Variants in ST8SIA6 observed in about 807,000 individuals in gnomAD.
ST8SIA6 encodes the protein alpha-2,8-sialyltransferase 8F.
ST8SIA6 carries 39 observed loss-of-function variants against 33.6 expected under a neutral mutation model. The observed-to-expected ratio is 1.16, with a 90% CI of 0.90 to 1.52. ST8SIA6 has a LOEUF of 1.52. Among genes scored for constraint, ST8SIA6 ranks in the 40% most tolerant of loss-of-function variants. ST8SIA6 has a pLI of 0.00. For missense variants in ST8SIA6, 441 were observed against 443.8 expected (o/e 0.99, Z 0.06); for synonymous variants, 172 against 167.2 (o/e 1.03, Z -0.22).
chr10:17,393,633 G>A (rs1340559654), intron 2 of ST8SIA6, among the ~76,000 whole-genome samples: 3 of 152,300 alleles, frequency 2.0e-5, no homozygotes, highest in Non-Finnish European at 2.9e-5. Flanking sequence ...GGAGACTTCA[G>A]CACACCTGTG....
chr10:17,334,553 T>A (rs76763873), intron 4 of ST8SIA6, among the ~76,000 whole-genome samples: 46,041 of 143,030 alleles, frequency 0.32, 8,284 homozygotes, highest in African/African-American at 0.5. Context: ...AAAAAAAAAA[T>A]TATTATTATT....
At chr10:17,365,705 T>C (rs1293342700) in intron 3 of ST8SIA6, among the ~76,000 whole-genome samples, 3 of 152,212 alleles carry the variant, frequency 2.0e-5, no homozygotes, top group African/African-American at 7.2e-5. Flanking sequence ...AAAGAGGGTC[T>C]TGAAAAATAT....
chr10:17,405,470 G>T (rs773563545), intron 2 of ST8SIA6, among the ~76,000 whole-genome samples: 3 of 151,142 alleles, frequency 2.0e-5, no homozygotes, highest in Non-Finnish European at 4.4e-5. Flanking sequence ...CCTCAAATGA[G>T]GTTGCTGACA....
At chr10:17,354,533 C>G (rs1022186573) in intron 4 of ST8SIA6, among the ~76,000 whole-genome samples, 3 of 152,200 alleles carry the variant, frequency 2.0e-5, no homozygotes, top group Non-Finnish European at 2.9e-5. Context: ...CAAGAAAGAA[C>G]AGAGAGCAGG....
In ST8SIA6 at chr10:17,398,048, T is replaced by G. The variant is rs149380160; in HGVS notation, c.201-7428A>C. On this transcript the variant is annotated intron_variant, in intron 2 of 7. Transcript: ENST00000377602. ...AGTAAGAAAAATTAAGACTCTGGGC[T>G]GGGCACAGTGGCTCATGCCTGTAAT... Among the ~76,000 whole-genome samples the G allele has an allele frequency of 4.1e-4, 62 of 152,148 alleles. 1 individual carries two copies. The East Asian group carries it at 0.011, about 28-fold the overall frequency.
intron 2 of ST8SIA6, among the ~76,000 whole-genome samples, chr10:17,417,518 A>G (rs1588905573): frequency 6.9e-6 from 1 of 144,018 alleles, no homozygotes; most frequent in South Asian, 2.2e-4. Context: ...CACCCCCGCC[A>G]TCAGCATTTA....
chr10:17,334,592 T>A (rs1848447554), intron 4 of ST8SIA6, among the ~76,000 whole-genome samples: 1 of 150,244 alleles, frequency 6.7e-6, no homozygotes, highest in South Asian at 2.1e-4. Context: ...AGAAACTAAG[T>A]TAAGAACAGT....
intron 2 of ST8SIA6, among the ~76,000 whole-genome samples, chr10:17,447,890 A>G (rs1852777685): frequency 6.6e-6 from 1 of 151,914 alleles, no homozygotes; most frequent in Admixed American, 6.6e-5. Flanking sequence ...TCTTGGTGAG[A>G]TCATGTTCAA....
At chr10:17,331,658 A>C in intron 4 of ST8SIA6, 106 bp from the exon 5 acceptor site, 1 of 1,149,358 alleles carries the variant, frequency 8.7e-7, no homozygotes, top group Non-Finnish European at 1.2e-6. Flanking sequence ...ACTGACTTTC[A>C]AAAAGAAGAT....
chr10:17,444,894 GC>G (rs1370322322), intron 2 of ST8SIA6, among the ~76,000 whole-genome samples: 18 of 152,198 alleles, frequency 1.2e-4, no homozygotes, highest in African/African-American at 3.9e-4. Flanking sequence ...CAAGATTTAA[GC>G]CCATTTCAAA....
At chr10:17,374,673 C>A (rs1305959442) in intron 3 of ST8SIA6, among the ~76,000 whole-genome samples, 1 of 149,374 alleles carries the variant, frequency 6.7e-6, no homozygotes, top group Non-Finnish European at 1.5e-5. Context: ...GAGATCGTAC[C>A]ACTGCACTCT....
At chr10:17,336,172 G>T (rs983908476) in intron 4 of ST8SIA6, among the ~76,000 whole-genome samples, 2 of 152,070 alleles carry the variant, frequency 1.3e-5, no homozygotes, top group African/African-American at 4.8e-5. Flanking sequence ...GACCAGGCTG[G>T]TCTCGAACTT....
rs1294563171 is a variant in ST8SIA6 at position 17,454,120 on chromosome 10, C to CGGCGCGG, written c.101+28_101+34dup. On this transcript the variant is annotated intron_variant, in intron 1 of 7. Transcript: ENST00000377602. This position sits in a 1 kb window ranked among gnomAD's most constrained non-coding sequence, Gnocchi z 4.1. Reference sequence around the variant, plus strand: ...GTCCGGGGGCGCCAGGCGGGGCGCGCGGCGCGGGGCGCGGCCGGCGGGTGG... The same window carrying CGGCGCGG: ...GTCCGGGGGCGCCAGGCGGGGCGCGCGGCGCGGGGCGCGGGGCGCGGCCGGCGGGTGG... The CGGCGCGG allele has an allele frequency of 3.9e-6, 1 of 257,850 alleles. No individual in the cohort carries two copies. Among genetic ancestry groups the CGGCGCGG allele is most frequent in the Non-Finnish European group, 7.3e-6 (1 of 137,638 alleles). The allele number at this position is 257,850 out of a possible 1,614,324, so 16.0% of individuals were successfully genotyped here. A position where few individuals can be genotyped will look rare whatever the true frequency, so the allele number is the denominator to read the frequency against.
chr10:17,382,493 T>TGACCTCAGGTGATCTGCC (rs1330397165), intron 3 of ST8SIA6, among the ~76,000 whole-genome samples: 16 of 152,344 alleles, frequency 1.1e-4, no homozygotes, highest in Admixed American at 6.5e-5. Context: ...TTTAAACTCC[T>TGACCTCAGGTGATCTGCC]GACCTCAGGT....
intron 5 of ST8SIA6, 73 bp from the exon 6 acceptor site, chr10:17,327,199 G>GT: frequency 8.8e-7 from 1 of 1,132,962 alleles, no homozygotes; most frequent in Non-Finnish European, 1.3e-6. Flanking sequence ...CTTAATTCTA[G>GT]TAACTTAACT....
At chr10:17,377,598 A>G (rs1045100140) in intron 3 of ST8SIA6, among the ~76,000 whole-genome samples, 7 of 152,348 alleles carry the variant, frequency 4.6e-5, no homozygotes, top group Middle Eastern at 6.8e-3. Flanking sequence ...ATTATGGCAC[A>G]AAAGACCCTA....
chr10:17,430,516 T>A (rs1007109887), intron 2 of ST8SIA6, among the ~76,000 whole-genome samples: 1 of 152,236 alleles, frequency 6.6e-6, no homozygotes, highest in Non-Finnish European at 1.5e-5. Context: ...AGTGTCTAAG[T>A]GTTCCCTTTT....
At chr10:17,378,348 G>A (rs1238269787) in intron 3 of ST8SIA6, among the ~76,000 whole-genome samples, 1 of 152,162 alleles carries the variant, frequency 6.6e-6, no homozygotes, top group Non-Finnish European at 1.5e-5. Flanking sequence ...CTCAAGTTGA[G>A]AACTTTTGTC....
rs34231362 is a variant in ST8SIA6 at position 17,369,993 on chromosome 10, C to CT, written c.291-10394dup. 9.7e-3 allele frequency among the ~76,000 whole-genome samples: 1,386 copies of CT among 142,442 alleles called. 18 individuals are homozygous for CT. The highest frequency in any genetic ancestry group is 0.03 in the African/African-American group (1,188 of 38,976). 93.4% of individuals were successfully genotyped at this position (142,442 alleles called of 152,430 possible). On this transcript the variant is annotated intron_variant, in intron 3 of 7. Coordinates refer to ENST00000377602, the MANE Select transcript of ST8SIA6 (RefSeq NM_001004470.3). ...TTTAATTCAGTGTGACAATCACTGA[C>CT]TTTTTTTTTTTTTTTGGAGACGGAG...
Sources: gnomAD v4.1 joint callset for allele counts (sites outside exome capture counted in the v4.1 genomes callset) on GRCh38, gnomAD v4.1.1 for gene constraint, Gnocchi (gnomAD v3.1) non-coding constraint, MANE v1.5 for transcripts, NCBI Gene and HGNC (gene_info 2026-07-23, HGNC 2026-07-21) for gene names.